Variants in PDGFRL observed in about 807,000 individuals in gnomAD.
PDGFRL encodes the protein platelet-derived growth factor receptor-like protein.
In PDGFRL, 46 loss-of-function variants were observed where a neutral mutation model predicts 37.2. The ratio of observed to expected loss-of-function variants is 1.24; its 90% CI spans 0.98 to 1.58. PDGFRL has a LOEUF of 1.58. Among genes scored for constraint, PDGFRL ranks in the 40% most tolerant of loss-of-function variants. The pLI, the probability that PDGFRL is intolerant of heterozygous loss-of-function variation, is 0.00. For missense variants in PDGFRL, 692 were observed against 467.6 expected (o/e 1.48, Z -4.43); for synonymous variants, 251 against 184.3 (o/e 1.36, Z -2.93).
chr8:17,619,009 C>T (rs1804582136), intron 2 of PDGFRL, among the ~76,000 whole-genome samples: 1 of 152,152 alleles, frequency 6.6e-6, no homozygotes, highest in South Asian at 2.1e-4. Context: ...CTTGGCAGAA[C>T]TGGTGGACAA....
intron 4 of PDGFRL, among the ~76,000 whole-genome samples, chr8:17,630,203 G>A (rs1174821812): frequency 6.6e-6 from 1 of 152,188 alleles, no homozygotes; most frequent in East Asian, 1.9e-4. Context: ...AACACTTGGA[G>A]TTCTCAAATT....
chr8:17,602,597 G>A (rs985023897), intron 2 of PDGFRL, among the ~76,000 whole-genome samples: 6 of 152,122 alleles, frequency 3.9e-5, no homozygotes, highest in African/African-American at 7.2e-5. Flanking sequence ...ATAGCTTTGC[G>A]TGGAAAGTGG....
At chr8:17,638,101 G>T (rs908697955) in intron 5 of PDGFRL, among the ~76,000 whole-genome samples, 1 of 151,976 alleles carries the variant, frequency 6.6e-6, no homozygotes, top group African/African-American at 2.4e-5. Context: ...GGTTTGGTTT[G>T]TTCTGGTTTT....
At chr8:17,581,827 A>C (rs1803714001) in intron 1 of PDGFRL, among the ~76,000 whole-genome samples, 1 of 152,136 alleles carries the variant, frequency 6.6e-6, no homozygotes, top group Non-Finnish European at 1.5e-5. Flanking sequence ...TTTCTTTATA[A>C]ACAACCCAGC....
intron 2 of PDGFRL, among the ~76,000 whole-genome samples, chr8:17,603,933 A>C (rs1298391322): frequency 6.6e-6 from 1 of 152,152 alleles, no homozygotes; most frequent in Non-Finnish European, 1.5e-5. Context: ...AAGTACCTAG[A>C]AGTGGGAAAG....
chr8:17,607,155 G>A (rs544540953), intron 2 of PDGFRL, among the ~76,000 whole-genome samples: 7 of 152,048 alleles, frequency 4.6e-5, no homozygotes, highest in East Asian at 1.9e-4. Context: ...CTTGGCCTGC[G>A]AGTTTCGTTT....
At chr8:17,630,679 G>GT (rs1327176589) in intron 4 of PDGFRL, among the ~76,000 whole-genome samples, 3 of 152,210 alleles carry the variant, frequency 2.0e-5, no homozygotes, top group Non-Finnish European at 4.4e-5. Context: ...GTTAGGGGAA[G>GT]TAAGTGAGAG....
chr8:17,589,661 C>G lies in PDGFRL; in HGVS notation c.249C>G (p.Thr83=), dbSNP rs61733860. Residue 83 remains threonine, a synonymous_variant, in exon 2 of 6, where the codon ACC becomes ACG. Coordinates refer to ENST00000251630, the MANE Select transcript of PDGFRL (RefSeq NM_001372073.1). ...GTCGCTTCCAGAAACCCGCCGCTAC[C>G]CTGAGTCTGCTGGCGGGGCAAACTG... ...DKGRFQKPAA[T]LSLLAGQTVE... 3 of 1,613,252 alleles carry G rather than the reference C, an allele frequency of 1.9e-6. No homozygotes were observed. Among genetic ancestry groups the G allele is most frequent in the South Asian group, 1.1e-5 (1 of 91,058 alleles).
At chr8:17,600,818 A>G (rs1804151703) in intron 2 of PDGFRL, among the ~76,000 whole-genome samples, 1 of 139,142 alleles carries the variant, frequency 7.2e-6, no homozygotes, top group Non-Finnish European at 1.6e-5. Context: ...AAAAAAACAA[A>G]AAAACCTCTA....
chr8:17,602,829 A>C (rs1437724575), intron 2 of PDGFRL, among the ~76,000 whole-genome samples: 1 of 152,198 alleles, frequency 6.6e-6, no homozygotes, highest in African/African-American at 2.4e-5. Context: ...ATCACCAGTA[A>C]ATGAAGAAAC....
At chr8:17,577,152 C>A, upstream of PDGFRL, 1 of 1,518,020 alleles carries the variant, frequency 6.6e-7, no homozygotes, top group Non-Finnish European at 8.8e-7. Context: ...AATCCTCCCG[C>A]TTCGGCGTCC....
chr8:17,614,931 C>T (rs1189073749), intron 2 of PDGFRL, among the ~76,000 whole-genome samples: 2 of 152,200 alleles, frequency 1.3e-5, no homozygotes, highest in Non-Finnish European at 2.9e-5. Flanking sequence ...TACCTAACCT[C>T]TCCAGCCTGT....
chr8:17,588,112 A>G (rs1447952899), intron 1 of PDGFRL, among the ~76,000 whole-genome samples: 2 of 151,652 alleles, frequency 1.3e-5, no homozygotes, highest in Non-Finnish European at 2.9e-5. Flanking sequence ...AGCAACTTAA[A>G]GTCAGTTAGC....
intron 1 of PDGFRL, among the ~76,000 whole-genome samples, chr8:17,579,983 A>G (rs530618232): frequency 6.6e-6 from 1 of 152,252 alleles, no homozygotes; most frequent in East Asian, 1.9e-4. Flanking sequence ...GGGTGCTTCT[A>G]TTTTCACATT....
At chr8:17,633,691 A>G (rs1165350118) in intron 4 of PDGFRL, among the ~76,000 whole-genome samples, 5 of 152,022 alleles carry the variant, frequency 3.3e-5, no homozygotes, top group African/African-American at 1.2e-4. Flanking sequence ...TCAGCCACAC[A>G]CCTATCTGCT....
At chr8:17,600,607 C>A (rs1804146140) in intron 2 of PDGFRL, among the ~76,000 whole-genome samples, 1 of 150,946 alleles carries the variant, frequency 6.6e-6, no homozygotes, top group Admixed American at 6.6e-5. Context: ...TGAGACCAGC[C>A]TGAGCAACAC....
At position 17,631,569 on chromosome 8, in the gene PDGFRL, G is replaced by C. The variant is rs563623851; in HGVS notation, c.800-2505G>C. 2.0e-5 allele frequency among the ~76,000 whole-genome samples: 3 copies of C among 151,938 alleles called. No homozygotes were observed. The South Asian group carries it at 6.3e-4, about 32-fold the overall frequency. On this transcript the variant is annotated intron_variant, in intron 4 of 5. Coordinates refer to ENST00000251630, the MANE Select transcript of PDGFRL (RefSeq NM_001372073.1). ...CACCACTCTTCCCCACTAGAACCAA[G>C]TCCCTGAATGAAAGAGCTCTCCATG...
At chr8:17,577,879 C>A (rs564742096) in intron 1 of PDGFRL, among the ~76,000 whole-genome samples, 16 of 151,754 alleles carry the variant, frequency 1.1e-4, no homozygotes, top group Non-Finnish European at 2.4e-4. Flanking sequence ...CAAAACGAAT[C>A]AAAAGCCCAC....
At chr8:17,638,705 G>A (rs185097666) in intron 5 of PDGFRL, among the ~76,000 whole-genome samples, 125 of 118,988 alleles carry the variant, frequency 1.1e-3, no homozygotes, top group Middle Eastern at 5.2e-3. Flanking sequence ...AACAGTAATT[G>A]TTTTATAAAT....
Sources: allele counts gnomAD v4.1 joint callset (sites outside exome capture counted in the v4.1 genomes callset), GRCh38; gene constraint gnomAD v4.1.1; transcripts MANE v1.5; gene names NCBI Gene and HGNC (gene_info 2026-07-23, HGNC 2026-07-21).